The following ZPBP variants were observed in gnomAD, a reference collection of about 807,000 sequenced individuals.
The protein encoded by ZPBP is zona pellucida binding protein, also known as zona pellucida-binding protein 1.
Under a neutral mutation model 44.8 loss-of-function variants are expected in ZPBP, and 26 were observed. The ratio of observed to expected loss-of-function variants is 0.58; its 90% CI spans 0.43 to 0.81. The LOEUF (loss-of-function observed/expected upper bound fraction) is 0.81. Among genes scored for constraint, ZPBP ranks in the 30% least tolerant of loss-of-function variants. ZPBP has a pLI of 0.00. For synonymous variants in ZPBP, 174 were observed against 153.2 expected, an observed-to-expected ratio of 1.14 and a Z score of -1.00; for missense variants, 409 against 434.0, an observed-to-expected ratio of 0.94 and a Z score of 0.51.
chr7:49,899,394 G>T (rs1792583193), intron 2 of ZPBP, among the ~76,000 whole-genome samples: 1 of 152,010 alleles, frequency 6.6e-6, no homozygotes, highest in Admixed American at 6.5e-5. Flanking sequence ...TTGGATTGCA[G>T]TTGACCATGG....
intron 2 of ZPBP, among the ~76,000 whole-genome samples, chr7:49,885,453 C>T (rs1401595254): frequency 1.3e-5 from 2 of 151,496 alleles, no homozygotes; most frequent in African/African-American, 4.8e-5. Context: ...CTTATTGATA[C>T]AGATGTAAGA....
At chr7:49,865,406 G>A (rs1383285196) in intron 2 of ZPBP, among the ~76,000 whole-genome samples, 2 of 152,182 alleles carry the variant, frequency 1.3e-5, no homozygotes, top group African/African-American at 2.4e-5. Context: ...GAATCAATTA[G>A]CTTTGGCTGT....
chr7:50,055,607 T>G (rs1033783419), intron 4 of ZPBP, among the ~76,000 whole-genome samples: 1 of 152,140 alleles, frequency 6.6e-6, no homozygotes, highest in African/African-American at 2.4e-5. Context: ...AGACCAAAAA[T>G]AGCAGTGCCT....
chr7:50,046,979 G>C (rs562384125), intron 4 of ZPBP, among the ~76,000 whole-genome samples: 1 of 152,266 alleles, frequency 6.6e-6, no homozygotes, highest in African/African-American at 2.4e-5. Flanking sequence ...AAAAGGATGA[G>C]CTCATGTCCT....
chr7:49,924,343 A>G (rs986740755), intron 1 of ZPBP, among the ~76,000 whole-genome samples: 4 of 152,112 alleles, frequency 2.6e-5, no homozygotes, highest in Non-Finnish European at 5.9e-5. Flanking sequence ...ACAGGTGCAT[A>G]ATTCTTCATG....
intron 7 of ZPBP, among the ~76,000 whole-genome samples, chr7:49,956,403 T>C (rs769679141): frequency 6.6e-6 from 1 of 152,094 alleles, no homozygotes; most frequent in Non-Finnish European, 1.5e-5. Flanking sequence ...TCAAGAAATC[T>C]ATTTTTTGAA....
At chr7:49,992,642 A>G (rs1797623201) in intron 6 of ZPBP, among the ~76,000 whole-genome samples, 1 of 152,172 alleles carries the variant, frequency 6.6e-6, no homozygotes, top group South Asian at 2.1e-4. Context: ...TAGAAATTTC[A>G]TTATTTTAGA....
chr7:49,885,877 G>T (rs1208073267), intron 2 of ZPBP, among the ~76,000 whole-genome samples: 1 of 152,254 alleles, frequency 6.6e-6, no homozygotes, highest in Non-Finnish European at 1.5e-5. Context: ...AGGGCTACAG[G>T]CCCTTGGCAT....
At chr7:49,900,018 T>C (rs1437264472) in intron 2 of ZPBP, among the ~76,000 whole-genome samples, 2 of 151,782 alleles carry the variant, frequency 1.3e-5, no homozygotes, top group Non-Finnish European at 3.0e-5. Context: ...AATAGAAAGA[T>C]ACCTGGAAAG....
At chr7:50,023,554 T>C (rs951215472) in intron 5 of ZPBP, among the ~76,000 whole-genome samples, 2 of 151,974 alleles carry the variant, frequency 1.3e-5, no homozygotes, top group African/African-American at 4.8e-5. Context: ...AACTAATTTT[T>C]TACTACCTAG....
At chr7:50,061,555 G>A (rs1801235264) in intron 3 of ZPBP, among the ~76,000 whole-genome samples, 1 of 152,182 alleles carries the variant, frequency 6.6e-6, no homozygotes, top group East Asian at 1.9e-4. Flanking sequence ...ACAAAAATTA[G>A]CCAGGCATAG....
chr7:49,957,079 C>T (rs943322488), intron 7 of ZPBP, among the ~76,000 whole-genome samples: 7 of 152,162 alleles, frequency 4.6e-5, no homozygotes, highest in African/African-American at 7.2e-5. Context: ...CTGAGTTTGG[C>T]CCCTTTGTCT....
chr7:49,847,422 C>A (rs13237042), downstream of ZPBP, among the ~76,000 whole-genome samples: 26,855 of 151,942 alleles, frequency 0.18, 3,097 homozygotes, highest in African/African-American at 0.32. Flanking sequence ...GGCTTGAGCA[C>A]AGAGCCTTGC....
chr7:50,013,506 C>T (rs1166622511), intron 6 of ZPBP, among the ~76,000 whole-genome samples: 1 of 151,794 alleles, frequency 6.6e-6, no homozygotes, highest in Non-Finnish European at 1.5e-5. Context: ...ATACTATTTC[C>T]AATTCTAGGT....
chr7:50,049,822 A>T (rs1365112175), intron 4 of ZPBP, among the ~76,000 whole-genome samples: 2 of 149,652 alleles, frequency 1.3e-5, no homozygotes, highest in African/African-American at 2.4e-5. Flanking sequence ...GCTCCTCAAT[A>T]AAAAAAAACA....
chr7:49,881,461 C>CCCT (rs2128727242), intron 2 of ZPBP, among the ~76,000 whole-genome samples: 1 of 152,272 alleles, frequency 6.6e-6, no homozygotes, highest in Admixed American at 6.5e-5. Context: ...TTGTGCCTAA[C>CCCT]CCTACCTCAC....
At chr7:49,864,374 C>A (rs1790793992) in intron 2 of ZPBP, among the ~76,000 whole-genome samples, 1 of 152,176 alleles carries the variant, frequency 6.6e-6, no homozygotes, top group Non-Finnish European at 1.5e-5. Flanking sequence ...TCAGAATCCA[C>A]CTGGGATGAA....
chr7:50,077,457 C>T (rs1255775856), intron 3 of ZPBP, among the ~76,000 whole-genome samples: 1 of 151,674 alleles, frequency 6.6e-6, no homozygotes, highest in Non-Finnish European at 1.5e-5. Flanking sequence ...AGTGAAGAGA[C>T]AATCCACAAA....
chr7:49,930,702 A>G (rs1794416534), intron 1 of ZPBP, among the ~76,000 whole-genome samples: 1 of 152,224 alleles, frequency 6.6e-6, no homozygotes, highest in South Asian at 2.1e-4. Flanking sequence ...AGAAATACCT[A>G]AACCTAGCAC....
Sources: allele counts gnomAD v4.1 joint callset (sites outside exome capture counted in the v4.1 genomes callset), GRCh38; gene constraint gnomAD v4.1.1; transcripts MANE v1.5; gene names NCBI Gene and HGNC (gene_info 2026-07-23, HGNC 2026-07-21).